The following PDE4B variants were observed in gnomAD, a reference collection of about 807,000 sequenced individuals.
PDE4B encodes phosphodiesterase 4B.
PDE4B carries 20 observed loss-of-function variants against 82.2 expected under a neutral mutation model. The observed-to-expected ratio is 0.24, with a 90% confidence interval of 0.17 to 0.35. The LOEUF (loss-of-function observed/expected upper bound fraction) is 0.35, where lower values mean the gene tolerates loss of function less well. Among genes scored for constraint, PDE4B ranks in the 10% least tolerant of loss-of-function variants. PDE4B has a pLI of 1.00. For synonymous variants in PDE4B, 320 were observed against 318.9 expected (o/e 1.00, Z -0.04); for missense variants, 655 against 907.2 (o/e 0.72, Z 3.57).
chr1:66,015,585 C>A (rs1652725883), intron 3 of PDE4B, among the ~76,000 whole-genome samples: 1 of 150,524 alleles, frequency 6.6e-6, no homozygotes, highest in African/African-American at 2.5e-5. Context: ...AAGAGTATTT[C>A]CACAAGAAAA....
At chr1:66,024,937 A>G (rs1022701256) in intron 3 of PDE4B, among the ~76,000 whole-genome samples, 4 of 151,916 alleles carry the variant, frequency 2.6e-5, no homozygotes, top group African/African-American at 9.7e-5. Context: ...TTACTTAACT[A>G]AAGTATTATG....
chr1:66,298,134 A>G (rs1253620057), intron 7 of PDE4B, among the ~76,000 whole-genome samples: 2 of 152,228 alleles, frequency 1.3e-5, no homozygotes, highest in African/African-American at 4.8e-5. Context: ...TACAAAGTTC[A>G]TCAATAGAAC....
At chr1:66,237,830 A>G (rs950054138) in intron 3 of PDE4B, among the ~76,000 whole-genome samples, 2 of 152,196 alleles carry the variant, frequency 1.3e-5, no homozygotes, top group African/African-American at 4.8e-5. Flanking sequence ...TCATTAATCT[A>G]TTGAGCAGAC....
At chr1:66,052,980 A>G (rs987616381) in intron 3 of PDE4B, among the ~76,000 whole-genome samples, 1 of 152,204 alleles carries the variant, frequency 6.6e-6, no homozygotes, top group Admixed American at 6.5e-5. Flanking sequence ...AAGTGTCATT[A>G]GGAGTTTTAT....
intron 7 of PDE4B, among the ~76,000 whole-genome samples, chr1:66,308,317 G>A (rs1019615845): frequency 6.6e-6 from 1 of 152,142 alleles, no homozygotes; most frequent in African/African-American, 2.4e-5. Flanking sequence ...AGGAATTAGA[G>A]AGTTCATGGA....
rs1013134740 is a variant in PDE4B at position 66,006,805 on chromosome 1, G to T, written c.281+87970G>T. Reference sequence around the variant, plus strand: ...CAATCATGTGAAGAAGGACGTGTTTGCTTCCTCTTCTGCCATGATTGTAAG... The same window carrying T: ...CAATCATGTGAAGAAGGACGTGTTTTCTTCCTCTTCTGCCATGATTGTAAG... On this transcript the variant is annotated intron_variant, in intron 3 of 16. Coordinates refer to ENST00000341517, the MANE Select transcript of PDE4B (RefSeq NM_002600.4). 3.9e-5 allele frequency among the ~76,000 whole-genome samples: 6 copies of T among 152,126 alleles called. No individual in the cohort carries two copies. The South Asian group carries it at 8.3e-4, about 21-fold the overall frequency.
chr1:66,188,613 CT>C, intron 3 of PDE4B, among the ~76,000 whole-genome samples: 1 of 151,476 alleles, frequency 6.6e-6, no homozygotes, highest in South Asian at 2.1e-4. Flanking sequence ...CTCTTTTGAT[CT>C]TTGTTGGTTT....
chr1:66,367,987 C>T lies in PDE4B; in HGVS notation c.1584C>T (p.Asp528=). ...DMSKHMSLLA[D]LKTMVETKKV... ...CTAAACATATGAGCCTGCTGGCAGA[C>T]CTGAAGACAATGGTAGAAACGAAGA... Residue 528 remains aspartate, a synonymous_variant, in exon 15 of 17, where the codon GAC becomes GAT. Transcript: ENST00000341517. The T allele has an allele frequency of 1.9e-6, 3 of 1,613,802 alleles. No individual in the cohort carries two copies. Among genetic ancestry groups the T allele is most frequent in the Non-Finnish European group, 2.5e-6 (3 of 1,179,812 alleles).
chr1:66,215,009 A>G (rs1390586123), intron 3 of PDE4B, among the ~76,000 whole-genome samples: 1 of 152,040 alleles, frequency 6.6e-6, no homozygotes, highest in African/African-American at 2.4e-5. Flanking sequence ...TAAAGATGAG[A>G]GAAAAAAGTC....
chr1:66,072,816 G>T (rs1053873483), intron 3 of PDE4B, among the ~76,000 whole-genome samples: 1 of 151,966 alleles, frequency 6.6e-6, no homozygotes, highest in Non-Finnish European at 1.5e-5. Context: ...AGTCTAGTGG[G>T]GATCAAAGTG....
intron 3 of PDE4B, among the ~76,000 whole-genome samples, chr1:66,164,366 C>G (rs1390668177): frequency 6.6e-6 from 1 of 151,486 alleles, no homozygotes; most frequent in Non-Finnish European, 1.5e-5. Context: ...GAAACCCCAT[C>G]TCTACTAAAA....
At chr1:66,249,861 A>T (rs2101682220) in intron 4 of PDE4B, among the ~76,000 whole-genome samples, 1 of 152,374 alleles carries the variant, frequency 6.6e-6, no homozygotes, top group East Asian at 1.9e-4. Flanking sequence ...GGTTGGCAAC[A>T]TAATACCACC....
intron 3 of PDE4B, among the ~76,000 whole-genome samples, chr1:66,086,994 T>A (rs1271042794): frequency 6.6e-6 from 1 of 152,144 alleles, no homozygotes; most frequent in Non-Finnish European, 1.5e-5. Flanking sequence ...GAGAGAGACC[T>A]GCATGTACAA....
At chr1:66,167,667 T>C (rs533064860) in intron 3 of PDE4B, among the ~76,000 whole-genome samples, 3 of 152,326 alleles carry the variant, frequency 2.0e-5, no homozygotes, top group Non-Finnish European at 4.4e-5. Context: ...CTTAAGCATT[T>C]TGATATTTCT....
chr1:66,198,790 G>T (rs1003051790), intron 3 of PDE4B, among the ~76,000 whole-genome samples: 1 of 150,808 alleles, frequency 6.6e-6, no homozygotes, highest in African/African-American at 2.4e-5. Context: ...TCCCTGGAGT[G>T]TGATGTTGCC....
At chr1:65,987,769 C>T (rs1013112548) in intron 3 of PDE4B, among the ~76,000 whole-genome samples, 14 of 152,076 alleles carry the variant, frequency 9.2e-5, no homozygotes, top group Non-Finnish European at 1.3e-4. Context: ...TGCGCTGCCA[C>T]GCCCAGCTAA....
chr1:66,190,556 G>A (rs923933279), intron 3 of PDE4B, among the ~76,000 whole-genome samples: 5 of 152,266 alleles, frequency 3.3e-5, no homozygotes, highest in East Asian at 1.9e-4. Context: ...CCCCAGCCTC[G>A]CTGCCTGCAA....
chr1:66,072,558 G>A (rs1365977510), intron 3 of PDE4B, among the ~76,000 whole-genome samples: 1 of 152,096 alleles, frequency 6.6e-6, no homozygotes, highest in Non-Finnish European at 1.5e-5. Flanking sequence ...GGAGAGTGGA[G>A]TTTTCCCTGT....
chr1:65,887,361 C>T (rs1472470798), intron 1 of PDE4B, among the ~76,000 whole-genome samples: 2 of 17,958 alleles, frequency 1.1e-4, no homozygotes, highest in East Asian at 1.7e-3. Context: ...CTCTCTTTCC[C>T]TCCCTCCCTC....
Sources: allele counts gnomAD v4.1 joint callset (sites outside exome capture counted in the v4.1 genomes callset), GRCh38; gene constraint gnomAD v4.1.1; transcripts MANE v1.5; gene names NCBI Gene and HGNC (gene_info 2026-07-23, HGNC 2026-07-21).